The following NRG3 variants were observed in gnomAD, a reference collection of about 807,000 sequenced individuals.
NRG3 encodes pro-neuregulin-3, membrane-bound isoform.
A neutral mutation model predicts 66.9 loss-of-function variants in NRG3; 31 were observed. That is an observed-to-expected ratio of 0.46 (90% CI 0.35 to 0.63). The LOEUF (loss-of-function observed/expected upper bound fraction) is 0.63, where lower values mean the gene tolerates loss of function less well. NRG3 is among the 20% of genes least tolerant of loss of function. NRG3 has a pLI of 0.00. For synonymous variants in NRG3, 393 were observed against 359.4 expected (o/e 1.09, Z -1.06); for missense variants, 910 against 878.9 (o/e 1.04, Z -0.45).
chr10:82,481,290 A>G (rs964297717), intron 2 of NRG3, among the ~76,000 whole-genome samples: 1 of 152,208 alleles, frequency 6.6e-6, no homozygotes, highest in African/African-American at 2.4e-5. Flanking sequence ...TGCCAAATCC[A>G]TGACATTTCT....
intron 4 of NRG3, among the ~76,000 whole-genome samples, chr10:82,897,667 C>T (rs933858060): frequency 1.1e-4 from 16 of 151,996 alleles, no homozygotes; most frequent in African/African-American, 3.6e-4. Flanking sequence ...TATAGATGTG[C>T]GCCACAATGC....
intron 1 of NRG3, among the ~76,000 whole-genome samples, chr10:81,922,047 G>A (rs1219696532): frequency 6.6e-6 from 1 of 151,992 alleles, no homozygotes; most frequent in Non-Finnish European, 1.5e-5. Flanking sequence ...GATTTAAATG[G>A]AATGCCCCAG....
At chr10:82,112,875 C>T (rs919893627) in intron 1 of NRG3, among the ~76,000 whole-genome samples, 4 of 152,078 alleles carry the variant, frequency 2.6e-5, no homozygotes, top group African/African-American at 9.7e-5. Flanking sequence ...CTCAGACAAG[C>T]TGTAATGGCT....
intron 1 of NRG3, among the ~76,000 whole-genome samples, chr10:82,305,161 AT>A (rs902396520): frequency 6.6e-6 from 1 of 150,884 alleles, no homozygotes; most frequent in African/African-American, 2.4e-5. Flanking sequence ...CGCTCGGCTA[AT>A]TTTTTTGTAT....
In NRG3 at chr10:82,567,391, G is replaced by A. The variant is rs538827325; in HGVS notation, c.954-171186G>A. Among the ~76,000 whole-genome samples, 3 of 151,982 alleles carry A rather than the reference G, an allele frequency of 2.0e-5. No individual in the cohort carries two copies. The East Asian group carries it at 5.8e-4, about 30-fold the overall frequency. ...TGAATCTTTAACTAAACAATGCCTG[G>A]AAAAGAGTGTTTAAACTGGAGAAAT... On this transcript the variant is annotated intron_variant, in intron 2 of 8. Coordinates refer to ENST00000372141, the MANE Select transcript of NRG3 (RefSeq NM_001010848.4).
chr10:82,709,498 C>T (rs1369108834), intron 2 of NRG3, among the ~76,000 whole-genome samples: 1 of 152,100 alleles, frequency 6.6e-6, no homozygotes, highest in African/African-American at 2.4e-5. Flanking sequence ...TCTCCTGTCT[C>T]AGCCTCCTGA....
chr10:82,232,864 G>A (rs1415982327), intron 1 of NRG3: 3 of 717,084 alleles, frequency 4.2e-6, no homozygotes, highest in African/African-American at 1.7e-5. Flanking sequence ...TGAGAGAAGG[G>A]TAAGGCAGGA....
At chr10:82,605,768 T>A (rs992319201) in intron 2 of NRG3, among the ~76,000 whole-genome samples, 11 of 152,090 alleles carry the variant, frequency 7.2e-5, no homozygotes, top group Non-Finnish European at 1.5e-4. Flanking sequence ...ATGGTATTAA[T>A]TATTGATTAA....
intron 1 of NRG3, among the ~76,000 whole-genome samples, chr10:82,273,295 A>G (rs1022923624): frequency 5.3e-5 from 8 of 151,998 alleles, no homozygotes; most frequent in African/African-American, 1.7e-4. Context: ...CTGAAGCTCT[A>G]AAGACTCTTC....
At chr10:82,779,964 A>C (rs1053222731) in intron 3 of NRG3, among the ~76,000 whole-genome samples, 10 of 151,236 alleles carry the variant, frequency 6.6e-5, no homozygotes, top group African/African-American at 2.4e-4. Flanking sequence ...GAGTGAGAAC[A>C]TGTGGTGTTT....
At chr10:82,843,271 C>T (rs1182438472) in intron 3 of NRG3, 1 of 454,018 alleles carries the variant, frequency 2.2e-6, no homozygotes, top group Admixed American at 2.4e-5. Flanking sequence ...GAGGGTTACA[C>T]CCACCTTATG....
chr10:82,281,555 C>G (rs1291164151), intron 1 of NRG3, among the ~76,000 whole-genome samples: 1 of 152,036 alleles, frequency 6.6e-6, no homozygotes, highest in Non-Finnish European at 1.5e-5. Context: ...ACTCCAGGGA[C>G]TCTTTTAATA....
At chr10:82,143,549 T>TAA (rs2069989044) in intron 1 of NRG3, among the ~76,000 whole-genome samples, 1 of 152,230 alleles carries the variant, frequency 6.6e-6, no homozygotes, top group South Asian at 2.1e-4. Flanking sequence ...ACATTTGTTC[T>TAA]AAACAGTTGC....
intron 1 of NRG3, among the ~76,000 whole-genome samples, chr10:82,346,088 C>A (rs2083002495): frequency 1.4e-5 from 2 of 148,062 alleles, no homozygotes; most frequent in Non-Finnish European, 3.0e-5. Context: ...CTGGCCAGAA[C>A]TTCCAACACT....
intron 1 of NRG3, among the ~76,000 whole-genome samples, chr10:82,186,641 C>A (rs976471421): frequency 2.0e-5 from 3 of 152,124 alleles, no homozygotes; most frequent in African/African-American, 7.2e-5. Context: ...AGATAGGTGA[C>A]AAGCAAATAT....
intron 1 of NRG3, among the ~76,000 whole-genome samples, chr10:81,902,113 T>C (rs1844136143): frequency 6.6e-6 from 1 of 152,210 alleles, no homozygotes; most frequent in African/African-American, 2.4e-5. Context: ...TTTGTGAGTT[T>C]CCTCATTGTT....
intron 2 of NRG3, among the ~76,000 whole-genome samples, chr10:82,582,767 T>C (rs907651797): frequency 2.0e-5 from 3 of 152,090 alleles, no homozygotes; most frequent in South Asian, 2.1e-4. Flanking sequence ...CTTGAAACTA[T>C]TTATGACAAA....
chr10:82,083,763 G>GT (rs1440771381), intron 1 of NRG3, among the ~76,000 whole-genome samples: 101 of 148,120 alleles, frequency 6.8e-4, no homozygotes, highest in Admixed American at 3.9e-3. Flanking sequence ...CCCGGCTAAT[G>GT]TTTTTTTTTG....
intron 2 of NRG3, among the ~76,000 whole-genome samples, chr10:82,573,415 G>T (rs951225130): frequency 6.6e-6 from 1 of 151,740 alleles, no homozygotes; most frequent in Non-Finnish European, 1.5e-5. Context: ...TTGCAGAAGA[G>T]ATATCTTTTG....
Sources: gnomAD v4.1 joint callset for allele counts (sites outside exome capture counted in the v4.1 genomes callset) on GRCh38, gnomAD v4.1.1 for gene constraint, MANE v1.5 for transcripts, NCBI Gene and HGNC (gene_info 2026-07-23, HGNC 2026-07-21) for gene names.